The following ABCG4 variants were observed in gnomAD, a reference collection of about 807,000 sequenced individuals.
The protein encoded by ABCG4 is ATP-binding cassette sub-family G member 4.
Under a neutral mutation model 64.6 loss-of-function variants are expected in ABCG4, and 35 were observed. That is an observed-to-expected ratio of 0.54 (90% CI 0.41 to 0.72). The LOEUF (loss-of-function observed/expected upper bound fraction) is 0.72. Among genes scored for constraint, ABCG4 ranks in the 30% least tolerant of loss-of-function variants. ABCG4 has a pLI of 0.00. For synonymous variants in ABCG4, 326 were observed against 348.2 expected (o/e 0.94, Z 0.71); for missense variants, 610 against 846.3 (o/e 0.72, Z 3.46).
Position 119,160,552 on chromosome 11 carries a change from G to C in ABCG4, c.1611G>C (p.Val537=). 1 of 1,611,100 alleles carries C rather than the reference G, an allele frequency of 6.2e-7. No homozygotes were observed. Among genetic ancestry groups the C allele is most frequent in the Non-Finnish European group, 8.5e-7 (1 of 1,179,900 alleles). Residue 537 remains valine (V), a synonymous_variant, in exon 14 of 15, where the codon GTG becomes GTC. Transcript: ENST00000619701. This position sits in a 1 kb window ranked among gnomAD's most constrained non-coding sequence, Gnocchi z 4.6. ...ASNSLQVATF[V]GPVTAIPVLL... ...TTCCCCTCTAGGTGGCCACTTTTGT[G>C]GGCCCAGTTACCGCCATCCCTGTCC...
chr11:119,149,845 G>C lies in ABCG4; in HGVS notation c.-12-109G>C. The C allele has an allele frequency of 1.4e-6, 2 of 1,445,970 alleles. No individual in the cohort carries two copies. The highest frequency in any genetic ancestry group is 1.8e-6 in the Non-Finnish European group (2 of 1,094,766). 89.6% of individuals were successfully genotyped at this position (1,445,970 alleles called of 1,614,324 possible). ...GTGCGGGGCTAACAGTCGCGGATCT[G>C]CCCCGAGAAGGAGGTGGGCAGTGGG... On this transcript the variant is annotated intron_variant, in intron 1 of 14. Coordinates refer to ENST00000619701, the MANE Select transcript of ABCG4 (RefSeq NM_022169.5). The surrounding 1 kb of genome is among the most constrained non-coding windows in gnomAD (Gnocchi z 8.3).
chr11:119,154,129 C>A lies in ABCG4; in HGVS notation c.342C>A (p.Ile114=), dbSNP rs1465141157. Residue 114 remains isoleucine (I), a synonymous_variant, in exon 3 of 15, where the codon ATC becomes ATA. Transcript: ENST00000619701. The surrounding 1 kb of genome is among the most constrained non-coding windows in gnomAD (Gnocchi z 7.0). ...SGAGKSTFMN[I]LAGYRESGMK... is the part of the protein sequence containing the mutation. Reference sequence around the variant, plus strand: ...CTGGCAAGTCTACATTCATGAACATCTTGGCAGGATACAGGTAAGGAAGAG... The same window carrying A: ...CTGGCAAGTCTACATTCATGAACATATTGGCAGGATACAGGTAAGGAAGAG... 7 of 1,614,168 alleles carry A rather than the reference C, an allele frequency of 4.3e-6. No homozygotes were observed. The South Asian group carries it at 6.6e-5, about 15-fold the overall frequency.
Position 119,158,332 on chromosome 11 carries a change from G to C in ABCG4, c.1167G>C (p.Thr389=). 1 of 1,613,872 alleles carries C rather than the reference G, an allele frequency of 6.2e-7. No individual in the cohort carries two copies. The highest frequency in any genetic ancestry group is 8.5e-7 in the Non-Finnish European group (1 of 1,179,800). The part of the protein sequence containing the change: ...KRTFLSILRD[T]VLTHLRFMSH... ...CCTTCCTGTCCATCCTCAGGGACACGGTGAGGCGTCAGGCTGGGGGAGAGG... is the reference window on the plus strand; with the variant it reads ...CCTTCCTGTCCATCCTCAGGGACACCGTGAGGCGTCAGGCTGGGGGAGAGG... Residue 389 remains threonine, a splice_region_variant and synonymous_variant, in exon 10 of 15, where the codon ACG becomes ACC. Coordinates refer to ENST00000619701, the MANE Select transcript of ABCG4 (RefSeq NM_022169.5). This position sits in a 1 kb window ranked among gnomAD's most constrained non-coding sequence, Gnocchi z 4.5.
Position 119,158,880 on chromosome 11 carries a change from G to T in ABCG4, c.1388G>T (p.Ser463Ile). The T allele has an allele frequency of 6.2e-7, 1 of 1,614,220 alleles. No individual in the cohort carries two copies. The highest frequency in any genetic ancestry group is 2.2e-5 in the East Asian group (1 of 44,886). The change falls in exon 12 of 15, where the codon AGC becomes ATC. Residue 463 changes from serine to isoleucine, a missense_variant. By Grantham distance (142) the Ser-to-Ile change is moderately radical. Transcript: ENST00000619701. This position sits in a 1 kb window ranked among gnomAD's most constrained non-coding sequence, Gnocchi z 4.5. ...FMREHLNYWY[S>I]LKAYYLAKTM... ...AGGGAGCACCTCAACTACTGGTACA[G>T]CCTCAAAGCGTATTACCTGGCCAAG...
chr11:119,157,866 AAAAAC>A (rs1302648606), intron 9 of ABCG4, among the ~76,000 whole-genome samples: 5 of 152,358 alleles, frequency 3.3e-5, no homozygotes, highest in African/African-American at 4.8e-5. Context: ...ACTCCGTCTC[AAAAAC>A]AAAACAAAAC....
In ABCG4 at chr11:119,158,073, C is replaced by G. The variant is rs1019054455; in HGVS notation, c.1069-161C>G. 6.6e-6 allele frequency among the ~76,000 whole-genome samples: 1 copy of G among 152,136 alleles called. No individual in the cohort carries two copies. Among genetic ancestry groups the G allele is most frequent in the African/African-American group, 2.4e-5 (1 of 41,414 alleles). On this transcript the variant is annotated intron_variant, in intron 9 of 14. Transcript: ENST00000619701. This position sits in a 1 kb window ranked among gnomAD's most constrained non-coding sequence, Gnocchi z 4.5. ...TCTTGCTCTGATTCATACCCCTAAG[C>G]CTAGCTTTCAGGTACACAACTTAAT...
In ABCG4 at chr11:119,150,132, G is replaced by A. The variant is rs1160569038; in HGVS notation, c.167G>A (p.Arg56His). Residue 56 changes from arginine (R) to histidine (H), a missense_variant, in exon 2 of 15, where the codon CGC becomes CAC. Transcript: ENST00000619701. The surrounding 1 kb of genome is among the most constrained non-coding windows in gnomAD (Gnocchi z 4.3). ...EAQRFSHLPK[R>H]SAVDIEFVEL... ...CAGCGCTTCTCCCACCTACCCAAGC[G>A]CTCAGCCGTGGACATCGAGTTCGTG... The A allele has an allele frequency of 6.2e-7, 1 of 1,614,040 alleles. No individual in the cohort carries two copies. Among genetic ancestry groups the A allele is most frequent in the Non-Finnish European group, 8.5e-7 (1 of 1,180,014 alleles).
Position 119,149,785 on chromosome 11 carries a change from G to A in ABCG4, c.-12-169G>A, listed in dbSNP as rs999732633. 5.2e-5 allele frequency: 58 copies of A among 1,106,418 alleles called. No individual in the cohort carries two copies. The highest frequency in any genetic ancestry group is 3.0e-4 in the Middle Eastern group (1 of 3,306). The allele number at this position is 1,106,418 out of a possible 1,614,324, so 68.5% of individuals were successfully genotyped here. ...CTGGAGCTGGGCTGCCCGGGACTGA[G>A]CGTCTCCGTGCGGAGAGTGGGGGGC... On this transcript the variant is annotated intron_variant, in intron 1 of 14. Coordinates refer to ENST00000619701, the MANE Select transcript of ABCG4 (RefSeq NM_022169.5). The surrounding 1 kb of genome is among the most constrained non-coding windows in gnomAD (Gnocchi z 8.3).
Position 119,154,505 on chromosome 11 carries a change from GC to G in ABCG4, c.490-19del. On this transcript the variant is annotated intron_variant, in intron 4 of 14. Coordinates refer to ENST00000619701, the MANE Select transcript of ABCG4 (RefSeq NM_022169.5). This position sits in a 1 kb window ranked among gnomAD's most constrained non-coding sequence, Gnocchi z 7.0. ...GCTCCCTCCCACACATACTTTTCTT[GC>G]TTACTCTCTGGGCCCCAGGTCTCTG... is the stretch of plus-strand genomic sequence containing the variant. The G allele has an allele frequency of 6.2e-7, 1 of 1,614,112 alleles. No individual in the cohort carries two copies. Among genetic ancestry groups the G allele is most frequent in the South Asian group, 1.1e-5 (1 of 91,082 alleles).
At chr11:119,153,941 T>C in intron 2 of ABCG4, 85 bp from the exon 3 acceptor site, 1 of 1,146,554 alleles carries the variant, frequency 8.7e-7, no homozygotes, top group Non-Finnish European at 1.3e-6. Flanking sequence ...CCTATTTCAC[T>C]GATAGCCATG....
Position 119,150,053 on chromosome 11 carries a change from C to T in ABCG4, c.88C>T (p.Pro30Ser), listed in dbSNP as rs1045464167. The T allele has an allele frequency of 5.6e-6, 9 of 1,613,764 alleles. No individual in the cohort carries two copies. In the African/African-American group the frequency reaches 1.2e-4, roughly 22 times the overall value. The change falls in exon 2 of 15, where the codon CCC becomes TCC. Residue 30 changes from proline to serine, a missense_variant. Coordinates refer to ENST00000619701, the MANE Select transcript of ABCG4 (RefSeq NM_022169.5). This position sits in a 1 kb window ranked among gnomAD's most constrained non-coding sequence, Gnocchi z 4.3. ...CGTGACGCTGGAGGACGGGGCGGAA[C>T]CCCCTGTGCTGACCACGCACCTGAA... The part of the protein sequence containing the change: ...MAVTLEDGAE[P>S]PVLTTHLKKV...
chr11:119,156,764 G>A lies in ABCG4; in HGVS notation c.925+86G>A. ...GGTCTTGCACTCAGGCCTCCTAGGG[G>A]TAGAGATCTCACCGTCGCCTGCCTT... On this transcript the variant is annotated intron_variant, in intron 8 of 14. Coordinates refer to ENST00000619701, the MANE Select transcript of ABCG4 (RefSeq NM_022169.5). This position sits in a 1 kb window ranked among gnomAD's most constrained non-coding sequence, Gnocchi z 5.5. 6.3e-7 allele frequency: 1 copy of A among 1,590,352 alleles called. No individual in the cohort carries two copies. The highest frequency in any genetic ancestry group is 8.6e-7 in the Non-Finnish European group (1 of 1,160,260).
intron 2 of ABCG4, among the ~76,000 whole-genome samples, chr11:119,151,014 G>A (rs1158972861): frequency 2.0e-5 from 3 of 152,164 alleles, no homozygotes; most frequent in Non-Finnish European, 4.4e-5. Context: ...AATAGGTTTG[G>A]GGTGCTTCAG....
Position 119,158,831 on chromosome 11 carries a change from C to G in ABCG4, c.1339C>G (p.Pro447Ala), listed in dbSNP as rs1164337286. The G allele has an allele frequency of 4.3e-6, 7 of 1,614,144 alleles. No individual in the cohort carries two copies. Among genetic ancestry groups the G allele is most frequent in the Non-Finnish European group, 5.9e-6 (7 of 1,180,008 alleles). Residue 447 changes from proline to alanine, a missense_variant and splice_region_variant, in exon 12 of 15, where the codon CCC (proline) becomes GCC (alanine). By Grantham distance (27) the Pro-to-Ala change is conservative. Transcript: ENST00000619701. This position sits in a 1 kb window ranked among gnomAD's most constrained non-coding sequence, Gnocchi z 4.5. ...AALMPTVLTF[P>A]LEMAVFMREH... ...GCCTAAGCAGCCTGTGTCCTCAGTC[C>G]CCTTAGAGATGGCGGTCTTCATGAG...
In ABCG4 at chr11:119,154,554, G is replaced by A; in HGVS notation, c.519G>A (p.Lys173=). The A allele has an allele frequency of 6.2e-7, 1 of 1,613,698 alleles. No homozygotes were observed. Among genetic ancestry groups the A allele is most frequent in the South Asian group, 1.1e-5 (1 of 91,016 alleles). The change falls in exon 5 of 15, where the codon AAG becomes AAA. Residue 173 remains lysine (K), a synonymous_variant. Transcript: ENST00000619701. This position sits in a 1 kb window ranked among gnomAD's most constrained non-coding sequence, Gnocchi z 7.0. ...MVSANLKLSE[K]QEVKKELVTE... is the part of the protein sequence containing the mutation. Reference sequence around the variant, plus strand: ...CTGCTAACCTGAAGCTGAGTGAGAAGCAGGAGGTGAAGAAGGAGCTGGTGA... The same window carrying A: ...CTGCTAACCTGAAGCTGAGTGAGAAACAGGAGGTGAAGAAGGAGCTGGTGA...
rs1948157412 is a variant in ABCG4 at position 119,149,285 on chromosome 11, G to A, written c.-91G>A. ...GGGTGCCGCAGCCCGAGGCAGGTAA[G>A]GGGAGCCCCGGCTCTCCGTCCCCGG... On this transcript the variant is annotated 5_prime_UTR_variant, in exon 1 of 15. Coordinates refer to ENST00000619701, the MANE Select transcript of ABCG4 (RefSeq NM_022169.5). The surrounding 1 kb of genome is among the most constrained non-coding windows in gnomAD (Gnocchi z 8.3). The A allele has an allele frequency of 6.6e-6, 1 of 151,838 alleles. No individual in the cohort carries two copies. Among genetic ancestry groups the A allele is most frequent in the Non-Finnish European group, 1.5e-5 (1 of 67,922 alleles). The allele number at this position is 151,838 out of a possible 1,614,324, so 9.4% of individuals were successfully genotyped here.
Position 119,154,225 on chromosome 11 carries a change from G to C in ABCG4, c.357-35G>C, listed in dbSNP as rs1267345838. ...GGAACACAGAAGGTATTCTGAAAGG[G>C]CATTGACCCCCATCCTCAACCCACA... On this transcript the variant is annotated intron_variant, in intron 3 of 14. Transcript: ENST00000619701. The surrounding 1 kb of genome is among the most constrained non-coding windows in gnomAD (Gnocchi z 7.0). The C allele has an allele frequency of 1.2e-6, 2 of 1,613,470 alleles. No homozygotes were observed. The highest frequency in any genetic ancestry group is 1.7e-6 in the Non-Finnish European group (2 of 1,179,432).
rs1157575728 is a variant in ABCG4 at position 119,150,685 on chromosome 11, A to G, written c.238+482A>G. ...GTTTGGCAGGATAGATGTCATCTCC[A>G]TGTTACTAATAAGGAAACTGAGGCC... On this transcript the variant is annotated intron_variant, in intron 2 of 14. Transcript: ENST00000619701. This position sits in a 1 kb window ranked among gnomAD's most constrained non-coding sequence, Gnocchi z 4.3. 1.3e-5 allele frequency among the ~76,000 whole-genome samples: 2 copies of G among 152,174 alleles called. No individual in the cohort carries two copies. Among genetic ancestry groups the G allele is most frequent in the Admixed American group, 6.5e-5 (1 of 15,280 alleles).
chr11:119,160,660 A>G lies in ABCG4; in HGVS notation c.1715+4A>G. 6.2e-7 allele frequency: 1 copy of G among 1,611,796 alleles called. No homozygotes were observed. ...GCTCCTATCTCTCCTATGTCAGGTCAGTACCCCTGCCCTCCTCGTTGGCCT... is the reference window on the plus strand; with the variant it reads ...GCTCCTATCTCTCCTATGTCAGGTCGGTACCCCTGCCCTCCTCGTTGGCCT... On this transcript the variant is annotated splice_donor_region_variant and intron_variant, in intron 14 of 14. Transcript: ENST00000619701. This position sits in a 1 kb window ranked among gnomAD's most constrained non-coding sequence, Gnocchi z 4.6.
Sources: allele counts gnomAD v4.1 joint callset (sites outside exome capture counted in the v4.1 genomes callset), GRCh38; gene constraint gnomAD v4.1.1; non-coding constraint Gnocchi (gnomAD v3.1); transcripts MANE v1.5; gene names NCBI Gene and HGNC (gene_info 2026-07-23, HGNC 2026-07-21).